The following CLYBL variants were observed in gnomAD, a reference collection of about 807,000 sequenced individuals.
CLYBL encodes the protein citramalyl-CoA lyase, also known as citramalyl-CoA lyase, mitochondrial.
A neutral mutation model predicts 38.9 loss-of-function variants in CLYBL; 31 were observed. That is an observed-to-expected ratio of 0.80 (90% CI 0.60 to 1.08). The LOEUF (loss-of-function observed/expected upper bound fraction) is 1.08. Among genes scored for constraint, CLYBL ranks in the 50% least tolerant of loss-of-function variants. The pLI is 0.00. For missense variants in CLYBL, 434 were observed against 411.6 expected, an observed-to-expected ratio of 1.05 and a Z score of -0.47; for synonymous variants, 171 against 158.6, an observed-to-expected ratio of 1.08 and a Z score of -0.59.
At chr13:99,642,600 T>C (rs1419765623) in intron 1 of CLYBL, among the ~76,000 whole-genome samples, 1 of 151,106 alleles carries the variant, frequency 6.6e-6, no homozygotes, top group Non-Finnish European at 1.5e-5. Context: ...TTTATTTTTG[T>C]AGAGATGAGG....
At chr13:99,820,794 G>T (rs1201049604) in intron 2 of CLYBL, among the ~76,000 whole-genome samples, 1 of 152,202 alleles carries the variant, frequency 6.6e-6, no homozygotes, top group Non-Finnish European at 1.5e-5. Context: ...CTGTTCTCCG[G>T]TCGGGATGGC....
chr13:99,876,369 C>A (rs1159223369), intron 7 of CLYBL, among the ~76,000 whole-genome samples: 1 of 127,046 alleles, frequency 7.9e-6, no homozygotes, highest in African/African-American at 3.0e-5. Flanking sequence ...TGCAGTGAGC[C>A]AAGATCACAC....
chr13:99,636,851 C>G (rs565557435), intron 1 of CLYBL, among the ~76,000 whole-genome samples: 1 of 152,114 alleles, frequency 6.6e-6, no homozygotes, highest in South Asian at 2.1e-4. Flanking sequence ...GGAGTATTAG[C>G]AAGACAGGTC....
At chr13:99,717,411 G>A (rs538626177) in intron 1 of CLYBL, among the ~76,000 whole-genome samples, 19 of 129,740 alleles carry the variant, frequency 1.5e-4, no homozygotes, top group Non-Finnish European at 2.5e-4. Flanking sequence ...GGGCGACAGA[G>A]TGAGACTCTA....
chr13:99,706,177 A>T, intron 1 of CLYBL, among the ~76,000 whole-genome samples: 1 of 151,944 alleles, frequency 6.6e-6, no homozygotes, highest in East Asian at 1.9e-4. Context: ...TGATCCACCC[A>T]CTTTGGCCTC....
chr13:99,659,586 C>T (rs1186243725), intron 1 of CLYBL, among the ~76,000 whole-genome samples: 1 of 152,060 alleles, frequency 6.6e-6, no homozygotes, highest in Non-Finnish European at 1.5e-5. Context: ...TTGATGTTGG[C>T]AAAAGTCATT....
chr13:99,774,013 T>G (rs1014617676), intron 2 of CLYBL, among the ~76,000 whole-genome samples: 2 of 151,772 alleles, frequency 1.3e-5, no homozygotes, highest in African/African-American at 4.8e-5. Flanking sequence ...GAGCATCACT[T>G]GAGCTCAGGA....
chr13:99,685,327 TAGA>T (rs1308125182), intron 1 of CLYBL, among the ~76,000 whole-genome samples: 1 of 152,020 alleles, frequency 6.6e-6, no homozygotes, highest in Non-Finnish European at 1.5e-5. Flanking sequence ...AAGTGAAGGG[TAGA>T]AAAAATACAG....
At chr13:99,731,514 A>G (rs967732738) in intron 1 of CLYBL, among the ~76,000 whole-genome samples, 23 of 152,228 alleles carry the variant, frequency 1.5e-4, no homozygotes, top group African/African-American at 5.1e-4. Flanking sequence ...AAAAAAAAAA[A>G]AAAGGCCAAA....
chr13:99,786,868 G>C (rs1490371009), intron 2 of CLYBL, among the ~76,000 whole-genome samples: 7 of 151,990 alleles, frequency 4.6e-5, no homozygotes, highest in Non-Finnish European at 7.4e-5. Flanking sequence ...TCCAGCACCT[G>C]TTGTTTCCTG....
intron 2 of CLYBL, among the ~76,000 whole-genome samples, chr13:99,793,766 C>G (rs1039049165): frequency 6.6e-6 from 1 of 151,694 alleles, no homozygotes; most frequent in Non-Finnish European, 1.5e-5. Flanking sequence ...TCTTTTCCTG[C>G]AATTCCTAGG....
At position 99,865,075 on chromosome 13, in the gene CLYBL, A is replaced by G; in HGVS notation, c.634+164A>G. 3.0e-6 allele frequency: 2 copies of G among 672,788 alleles called. No individual in the cohort carries two copies. Among genetic ancestry groups the G allele is most frequent in the Non-Finnish European group, 5.6e-6 (2 of 358,656 alleles). 41.7% of individuals were successfully genotyped at this position (672,788 alleles called of 1,614,324 possible). A position where few individuals can be genotyped will look rare whatever the true frequency, so the allele number is the denominator to read the frequency against. On this transcript the variant is annotated intron_variant, in intron 5 of 8. Coordinates refer to ENST00000339105, the MANE Select transcript of CLYBL (RefSeq NM_206808.5). This position sits in a 1 kb window ranked among gnomAD's most constrained non-coding sequence, Gnocchi z 4.7. Reference sequence around the variant, plus strand: ...ATGGAATGGACACTACTTCCTGATAATTTAGGGCTCCTCATAGCTGCCCTG... The same window carrying G: ...ATGGAATGGACACTACTTCCTGATAGTTTAGGGCTCCTCATAGCTGCCCTG...
chr13:99,849,931 G>A lies in CLYBL; in HGVS notation c.250-8930G>A, dbSNP rs73559318. 0.012 allele frequency among the ~76,000 whole-genome samples: 1,750 copies of A among 152,144 alleles called. 24 individuals carry two copies. The highest frequency in any genetic ancestry group is 0.044 in the Middle Eastern group (13 of 294). ...TTCATTGTATTTTGTTGAAAAATAA[G>A]GTGTGAAAATACAAAACAAAAATAT... On this transcript the variant is annotated intron_variant, in intron 2 of 8. Coordinates refer to ENST00000339105, the MANE Select transcript of CLYBL (RefSeq NM_206808.5). This position sits in a 1 kb window ranked among gnomAD's most constrained non-coding sequence, Gnocchi z 4.9.
intron 1 of CLYBL, among the ~76,000 whole-genome samples, chr13:99,755,477 C>T (rs2049045852): frequency 6.6e-6 from 1 of 152,112 alleles, no homozygotes; most frequent in Non-Finnish European, 1.5e-5. Flanking sequence ...CCTGCCTCTT[C>T]TCTCCCTGTT....
chr13:99,647,451 A>G (rs1424349510), intron 1 of CLYBL, among the ~76,000 whole-genome samples: 1 of 149,228 alleles, frequency 6.7e-6, no homozygotes, highest in East Asian at 2.0e-4. Flanking sequence ...CCCCATCACA[A>G]CTCCATAGTG....
chr13:99,797,360 A>G (rs889902079), intron 2 of CLYBL, among the ~76,000 whole-genome samples: 1 of 152,160 alleles, frequency 6.6e-6, no homozygotes, highest in African/African-American at 2.4e-5. Context: ...CATGAAAATA[A>G]CTCTGAACTG....
intron 1 of CLYBL, among the ~76,000 whole-genome samples, chr13:99,633,921 A>C (rs1381588718): frequency 6.6e-6 from 1 of 152,220 alleles, no homozygotes; most frequent in African/African-American, 2.4e-5. Flanking sequence ...TAACATGTAT[A>C]GTTGGAGTTC....
chr13:99,758,224 G>A (rs1437614134), intron 1 of CLYBL, among the ~76,000 whole-genome samples: 1 of 152,172 alleles, frequency 6.6e-6, no homozygotes, highest in East Asian at 1.9e-4. Flanking sequence ...CATGCTACGG[G>A]CCAGCTATGC....
chr13:99,859,420 A>G (rs1265061947), intron 3 of CLYBL, among the ~76,000 whole-genome samples: 1 of 152,182 alleles, frequency 6.6e-6, no homozygotes, highest in Non-Finnish European at 1.5e-5. Context: ...AAGAGCAGTG[A>G]CGTAAATGGC....
Sources: allele counts gnomAD v4.1 joint callset (sites outside exome capture counted in the v4.1 genomes callset), GRCh38; gene constraint gnomAD v4.1.1; non-coding constraint Gnocchi (gnomAD v3.1); transcripts MANE v1.5; gene names NCBI Gene and HGNC (gene_info 2026-07-23, HGNC 2026-07-21).